CUL5: variants seen among roughly 807,000 people sequenced by gnomAD.
The protein encoded by CUL5 is cullin 5, also known as cullin-5.
Under a neutral mutation model 108.8 loss-of-function variants are expected in CUL5, and 26 were observed. The observed-to-expected ratio is 0.24, with a 90% confidence interval of 0.18 to 0.33. The LOEUF is 0.33. CUL5 is among the 10% of genes least tolerant of loss of function. The pLI, the probability that CUL5 is intolerant of heterozygous loss-of-function variation, is 1.00. For missense variants in CUL5, 524 were observed against 909.2 expected (o/e 0.58, Z 5.45); for synonymous variants, 334 against 298.0 (o/e 1.12, Z -1.25).
chr11:108,081,621 G>A (rs534919880), intron 11 of CUL5, among the ~76,000 whole-genome samples: 43 of 151,316 alleles, frequency 2.8e-4, no homozygotes, highest in African/African-American at 8.8e-4. Context: ...GCGTGGTGGC[G>A]GGCACCTGTA....
chr11:108,101,971 A>T (rs1380821906), intron 18 of CUL5, among the ~76,000 whole-genome samples: 1 of 152,164 alleles, frequency 6.6e-6, no homozygotes, highest in African/African-American at 2.4e-5. Flanking sequence ...ATCAAGGGTG[A>T]GAGGAATTCA....
rs12295056 is a variant in CUL5 at position 108,036,871 on chromosome 11, T to C, written c.134+2960T>C. On this transcript the variant is annotated intron_variant, in intron 2 of 18. Transcript: ENST00000393094. ...ATTACAGCTGCTGGGAAATCCTGAC[T>C]GGAATGCAAGGTGTAGGGAGGAACT... 9.5e-3 allele frequency among the ~76,000 whole-genome samples: 1,451 copies of C among 152,264 alleles called. 20 individuals are homozygous for C. Among genetic ancestry groups the C allele is most frequent in the African/African-American group, 0.032 (1,345 of 41,556 alleles).
intron 1 of CUL5, among the ~76,000 whole-genome samples, chr11:108,027,031 A>G (rs1017727254): frequency 6.6e-5 from 10 of 150,798 alleles, no homozygotes; most frequent in Non-Finnish European, 1.3e-4. Flanking sequence ...ACTTCCTCTC[A>G]CCCTATCAAT....
rs186349446 is a variant in CUL5, at chr11:108,052,767, T to C, written c.519T>C (p.Asp173=). The stretch of plus-strand genomic sequence containing the variant: ...CTGAGAGATTGGGAGAAGCTTTTGA[T>C]TCTCAGCTGGTTATTGGAGTAAGAG... ...VHAERLGEAF[D]SQLVIGVRES... The change falls in exon 5 of 19, where the codon GAT becomes GAC. Residue 173 remains aspartate, a synonymous_variant. Coordinates refer to ENST00000393094, the MANE Select transcript of CUL5 (RefSeq NM_003478.6). 31 of 1,613,882 alleles carry C rather than the reference T, an allele frequency of 1.9e-5. No homozygotes were observed. In the Admixed American group the frequency reaches 4.7e-4, roughly 24 times the overall value.
chr11:108,103,810 A>AT (rs1864726896), intron 18 of CUL5, among the ~76,000 whole-genome samples: 2 of 152,054 alleles, frequency 1.3e-5, no homozygotes, highest in Non-Finnish European at 2.9e-5. Context: ...CTATAGTCAG[A>AT]TTTTTTTTAA....
intron 18 of CUL5, among the ~76,000 whole-genome samples, chr11:108,102,391 A>G (rs955333443): frequency 1.3e-5 from 2 of 152,030 alleles, no homozygotes; most frequent in South Asian, 2.1e-4. Context: ...CAGTGGTACA[A>G]TCTCAGCTCA....
At chr11:108,051,196 A>G (rs1863211835) in intron 4 of CUL5, among the ~76,000 whole-genome samples, 2 of 152,242 alleles carry the variant, frequency 1.3e-5, no homozygotes, top group Non-Finnish European at 2.9e-5. Context: ...AATATGGGAA[A>G]TTTGTGCCAA....
chr11:108,042,319 A>G (rs1862945774), intron 2 of CUL5, among the ~76,000 whole-genome samples: 2 of 150,326 alleles, frequency 1.3e-5, no homozygotes, highest in Non-Finnish European at 3.0e-5. Flanking sequence ...CCCGGGTTCA[A>G]GCAATTCTCA....
At position 108,104,554 on chromosome 11, in the gene CUL5, T is replaced by C; in HGVS notation, c.*170T>C. The stretch of plus-strand genomic sequence containing the variant: ...ATTTTGCCAATCACATTAGTTAGCA[T>C]GATGGCATTCCCTTCATGTTGCACA... On this transcript the variant is annotated 3_prime_UTR_variant, in exon 19 of 19. Transcript: ENST00000393094. 1 of 483,086 alleles carries C rather than the reference T, an allele frequency of 2.1e-6. No individual in the cohort carries two copies. 29.9% of individuals were successfully genotyped at this position (483,086 alleles called of 1,614,324 possible). A position where few individuals can be genotyped will look rare whatever the true frequency, so the allele number is the denominator to read the frequency against.
At chr11:108,061,865 G>A (rs1863544150) in intron 7 of CUL5, among the ~76,000 whole-genome samples, 2 of 152,096 alleles carry the variant, frequency 1.3e-5, no homozygotes, top group African/African-American at 2.4e-5. Flanking sequence ...AAGGCAAAGG[G>A]GAGGCAAGGC....
At chr11:108,064,437 G>T (rs925019150) in intron 7 of CUL5, among the ~76,000 whole-genome samples, 2 of 152,186 alleles carry the variant, frequency 1.3e-5, no homozygotes, top group Non-Finnish European at 1.5e-5. Context: ...TCTGGGCTCA[G>T]TGGCTCACGC....
chr11:108,051,991 G>A (rs1484022300), intron 4 of CUL5, among the ~76,000 whole-genome samples: 2 of 152,160 alleles, frequency 1.3e-5, no homozygotes, highest in African/African-American at 2.4e-5. Context: ...TTTGAAATGG[G>A]CTCTTGCTGT....
At chr11:108,076,508 T>C (rs758123117) in intron 10 of CUL5, among the ~76,000 whole-genome samples, 28 of 152,232 alleles carry the variant, frequency 1.8e-4, no homozygotes, top group Non-Finnish European at 3.8e-4. Context: ...GAATTTTTTT[T>C]AGGTTCTACC....
intron 7 of CUL5, among the ~76,000 whole-genome samples, chr11:108,068,260 T>C (rs1406294798): frequency 6.6e-6 from 1 of 152,202 alleles, no homozygotes; most frequent in Non-Finnish European, 1.5e-5. Flanking sequence ...CATGGATATA[T>C]GCATTTAAAA....
intron 1 of CUL5, among the ~76,000 whole-genome samples, chr11:108,009,725 G>A (rs577004355): frequency 3.3e-5 from 5 of 152,298 alleles, no homozygotes; most frequent in African/African-American, 1.2e-4. Context: ...TTCTTGTAAA[G>A]CAATGTCTAA....
intron 11 of CUL5, among the ~76,000 whole-genome samples, chr11:108,084,053 T>A (rs1223170176): frequency 1.3e-5 from 2 of 152,166 alleles, no homozygotes; most frequent in East Asian, 3.9e-4. Flanking sequence ...CCCAAGACAG[T>A]CCTTCTTCCA....
intron 1 of CUL5, among the ~76,000 whole-genome samples, chr11:108,022,536 TGTTCTAGAAAGATC>T (rs1314849601): frequency 2.0e-5 from 3 of 152,218 alleles, no homozygotes; most frequent in African/African-American, 4.8e-5. Context: ...AGCAGTGATA[TGTTCTAGAAAGATC>T]TATGTAACAT....
In CUL5 at chr11:108,107,454, T is replaced by C. The variant is rs187270587; in HGVS notation, c.*3070T>C. On this transcript the variant is annotated 3_prime_UTR_variant, in exon 19 of 19. Coordinates refer to ENST00000393094, the MANE Select transcript of CUL5 (RefSeq NM_003478.6). Reference sequence around the variant, plus strand: ...TGTAAGTGACTGGGATGCTGTCTTATGAATTCTTCCAAGGTCATGTTTGTG... The same window carrying C: ...TGTAAGTGACTGGGATGCTGTCTTACGAATTCTTCCAAGGTCATGTTTGTG... The C allele has an allele frequency of 6.0e-4, 91 of 152,742 alleles. No individual in the cohort carries two copies. The highest frequency in any genetic ancestry group is 2.1e-3 in the African/African-American group (87 of 41,580). The allele number at this position is 152,742 out of a possible 1,614,324, so 9.5% of individuals were successfully genotyped here. A position where few individuals can be genotyped will look rare whatever the true frequency, so the allele number is the denominator to read the frequency against.
chr11:108,099,375 A>C (rs537554355), intron 18 of CUL5, among the ~76,000 whole-genome samples: 12 of 152,246 alleles, frequency 7.9e-5, no homozygotes, highest in Non-Finnish European at 1.6e-4. Context: ...ATCATGTAAT[A>C]GGATAATGTG....
Sources: gnomAD v4.1 joint callset for allele counts (sites outside exome capture counted in the v4.1 genomes callset) on GRCh38, gnomAD v4.1.1 for gene constraint, MANE v1.5 for transcripts, NCBI Gene and HGNC (gene_info 2026-07-23, HGNC 2026-07-21) for gene names.